SPAG16: variants seen among roughly 807,000 people sequenced by gnomAD.
SPAG16 encodes the protein sperm-associated antigen 16 protein.
A neutral mutation model predicts 80.4 loss-of-function variants in SPAG16; 86 were observed. That is an observed-to-expected ratio of 1.07 (90% CI 0.90 to 1.28). The LOEUF is 1.28. Among genes scored for constraint, SPAG16 ranks in the 50% most tolerant of loss-of-function variants. The pLI, the probability that SPAG16 is intolerant of heterozygous loss-of-function variation, is 0.00. For synonymous variants in SPAG16, 294 were observed against 265.9 expected (o/e 1.11, Z -1.03); for missense variants, 870 against 765.3 (o/e 1.14, Z -1.61).
chr2:213,662,493 C>T (rs937037995), intron 10 of SPAG16, among the ~76,000 whole-genome samples: 1 of 152,024 alleles, frequency 6.6e-6, no homozygotes, highest in African/African-American at 2.4e-5. Context: ...TGTGTGTTAT[C>T]CCAAGAGTAA....
At chr2:214,090,016 C>A (rs1234652121) in intron 13 of SPAG16, among the ~76,000 whole-genome samples, 1 of 151,940 alleles carries the variant, frequency 6.6e-6, no homozygotes, top group African/African-American at 2.4e-5. Flanking sequence ...ACACTGCTAT[C>A]CTAGAGATTC....
chr2:213,305,644 T>C (rs1419669892), intron 3 of SPAG16, among the ~76,000 whole-genome samples: 1 of 152,180 alleles, frequency 6.6e-6, no homozygotes, highest in Non-Finnish European at 1.5e-5. Flanking sequence ...CATTCTTTTG[T>C]TATGATGTAT....
rs139046422 is a variant in SPAG16 at position 213,753,878 on chromosome 2, A to G, written c.1071-108607A>G. On this transcript the variant is annotated intron_variant, in intron 10 of 15. Coordinates refer to ENST00000331683, the MANE Select transcript of SPAG16 (RefSeq NM_024532.5). ...GAGTAGATATGGCCAGATTATCAGG[A>G]ATCAGGAAAATGCTCTACCTTCATA... Among the ~76,000 whole-genome samples the G allele has an allele frequency of 2.2e-3, 331 of 152,336 alleles. 1 individual carries two copies. The highest frequency in any genetic ancestry group is 0.014 in the Middle Eastern group (4 of 294).
intron 10 of SPAG16, among the ~76,000 whole-genome samples, chr2:213,567,139 ATG>A (rs2059795681): frequency 7.0e-6 from 1 of 143,382 alleles, no homozygotes; most frequent in Non-Finnish European, 1.5e-5. Context: ...ACAAAGTTGG[ATG>A]CTCATTTCTA....
chr2:214,301,345 C>A lies in SPAG16; in HGVS notation c.1721-108795C>A, dbSNP rs990339330. On this transcript the variant is annotated intron_variant, in intron 15 of 15. Coordinates refer to ENST00000331683, the MANE Select transcript of SPAG16 (RefSeq NM_024532.5). ...AATAATAAGAGCCATATATGACAAA[C>A]CCACAGCCAACATCATATTGAATGG... Among the ~76,000 whole-genome samples, 12 of 150,192 alleles carry A rather than the reference C, an allele frequency of 8.0e-5. 1 individual carries two copies. The highest frequency in any genetic ancestry group is 6.9e-3 in the Middle Eastern group (2 of 290).
intron 10 of SPAG16, among the ~76,000 whole-genome samples, chr2:213,754,889 A>G (rs2068251601): frequency 6.6e-6 from 1 of 152,228 alleles, no homozygotes; most frequent in Non-Finnish European, 1.5e-5. Context: ...GAAACAGTTG[A>G]ATAGTGATAT....
intron 13 of SPAG16, among the ~76,000 whole-genome samples, chr2:214,058,805 G>A (rs2050078435): frequency 6.6e-6 from 1 of 152,078 alleles, no homozygotes; most frequent in African/African-American, 2.4e-5. Context: ...GGGAGGTAGA[G>A]GCATTACAAA....
At chr2:213,891,348 G>A (rs1445411435) in intron 11 of SPAG16, among the ~76,000 whole-genome samples, 1 of 151,840 alleles carries the variant, frequency 6.6e-6, no homozygotes, top group African/African-American at 2.4e-5. Context: ...AATATTTTAT[G>A]GCTTTCAAAA....
chr2:214,369,553 C>T lies in SPAG16; in HGVS notation c.1721-40587C>T, dbSNP rs573977245. Among the ~76,000 whole-genome samples the T allele has an allele frequency of 2.6e-5, 4 of 152,134 alleles. No individual in the cohort carries two copies. In the South Asian group the frequency reaches 8.3e-4, roughly 31 times the overall value. On this transcript the variant is annotated intron_variant, in intron 15 of 15. Coordinates refer to ENST00000331683, the MANE Select transcript of SPAG16 (RefSeq NM_024532.5). ...ATTTTAACTGTATCTCAATATTCTTCCTCGGCTCTTTTTCTCATTCTCTAC... is the reference window on the plus strand; with the variant it reads ...ATTTTAACTGTATCTCAATATTCTTTCTCGGCTCTTTTTCTCATTCTCTAC...
chr2:213,842,690 T>C (rs1437294708), intron 10 of SPAG16, among the ~76,000 whole-genome samples: 2 of 152,210 alleles, frequency 1.3e-5, no homozygotes, highest in African/African-American at 4.8e-5. Flanking sequence ...TGTCCTTGGA[T>C]GTAAGTTTTC....
chr2:213,615,332 C>T (rs557228662), intron 10 of SPAG16, among the ~76,000 whole-genome samples: 7 of 152,378 alleles, frequency 4.6e-5, no homozygotes, highest in African/African-American at 1.4e-4. Flanking sequence ...GTGGCTCACG[C>T]CTGTAATCCC....
chr2:213,350,687 C>A, intron 7 of SPAG16, 42 bp downstream of exon 7: 1 of 1,168,720 alleles, frequency 8.6e-7, no homozygotes, highest in South Asian at 1.5e-5. Context: ...ATCTTTTAAT[C>A]ATTTTTTTAA....
At chr2:214,173,568 T>C (rs59514054) in intron 15 of SPAG16, among the ~76,000 whole-genome samples, 3,768 of 152,038 alleles carry the variant, frequency 0.025, 176 homozygotes, top group East Asian at 0.18. Context: ...GGCTCTGAAA[T>C]TGTGGCAATA....
At chr2:214,263,898 G>A (rs1393840130) in intron 15 of SPAG16, among the ~76,000 whole-genome samples, 1 of 152,126 alleles carries the variant, frequency 6.6e-6, no homozygotes, top group Non-Finnish European at 1.5e-5. Context: ...GTTTATACAT[G>A]CATGCACTTG....
intron 10 of SPAG16, among the ~76,000 whole-genome samples, chr2:213,773,822 G>T (rs1446600851): frequency 6.6e-6 from 1 of 152,134 alleles, no homozygotes; most frequent in Non-Finnish European, 1.5e-5. Flanking sequence ...AAAGTGCTGG[G>T]ATTACAGGCA....
At chr2:214,123,594 C>T (rs1170544348) in intron 14 of SPAG16, among the ~76,000 whole-genome samples, 1 of 151,910 alleles carries the variant, frequency 6.6e-6, no homozygotes, top group Non-Finnish European at 1.5e-5. Flanking sequence ...CTTATATTCT[C>T]TTAATAATCA....
At chr2:214,132,738 A>G (rs184536411) in intron 14 of SPAG16, among the ~76,000 whole-genome samples, 3 of 152,294 alleles carry the variant, frequency 2.0e-5, no homozygotes, top group Admixed American at 2.0e-4. Context: ...GGGGAAATTT[A>G]AGGAAGATGA....
At chr2:214,015,148 C>G (rs1382417040) in intron 13 of SPAG16, among the ~76,000 whole-genome samples, 1 of 152,154 alleles carries the variant, frequency 6.6e-6, no homozygotes, top group African/African-American at 2.4e-5. Context: ...TTTCAGCCGC[C>G]TAACATCGGA....
chr2:214,065,335 A>G (rs1408462721), intron 13 of SPAG16, among the ~76,000 whole-genome samples: 1 of 152,162 alleles, frequency 6.6e-6, no homozygotes, highest in Non-Finnish European at 1.5e-5. Flanking sequence ...AATCCATTAT[A>G]TGAAACTGTT....
Sources: gnomAD v4.1 joint callset for allele counts (sites outside exome capture counted in the v4.1 genomes callset) on GRCh38, gnomAD v4.1.1 for gene constraint, MANE v1.5 for transcripts, NCBI Gene and HGNC (gene_info 2026-07-23, HGNC 2026-07-21) for gene names.